Variants in PIEZO2 observed in about 807,000 individuals in gnomAD.
The protein encoded by PIEZO2 is piezo type mechanosensitive ion channel component 2.
PIEZO2 carries 172 observed loss-of-function variants against 337.3 expected under a neutral mutation model. The observed-to-expected ratio is 0.51, with a 90% confidence interval of 0.45 to 0.58. The LOEUF (loss-of-function observed/expected upper bound fraction) is 0.58. Among genes scored for constraint, PIEZO2 ranks in the 20% least tolerant of loss-of-function variants. The pLI is 0.00. For synonymous variants in PIEZO2, 1,251 were observed against 1,228.5 expected (o/e 1.02, Z -0.38); for missense variants, 3,028 against 3,391.3 (o/e 0.89, Z 2.66).
At chr18:10,959,022 A>G (rs1170383077) in intron 3 of PIEZO2, among the ~76,000 whole-genome samples, 2 of 152,200 alleles carry the variant, frequency 1.3e-5, no homozygotes, top group Non-Finnish European at 2.9e-5. Context: ...TGACTGTTAC[A>G]ATGTCTACCT....
chr18:10,723,128 C>T (rs1191415844), intron 36 of PIEZO2, among the ~76,000 whole-genome samples: 2 of 151,952 alleles, frequency 1.3e-5, no homozygotes, highest in African/African-American at 4.8e-5. Flanking sequence ...CCACCACACC[C>T]AGTTAATTTT....
At position 11,102,564 on chromosome 18, in the gene PIEZO2, G is replaced by A. The variant is rs1391116397; in HGVS notation, c.65-36342C>T. Among the ~76,000 whole-genome samples, 1 of 152,206 alleles carries A rather than the reference G, an allele frequency of 6.6e-6. No individual in the cohort carries two copies. Among genetic ancestry groups the A allele is most frequent in the Non-Finnish European group, 1.5e-5 (1 of 68,034 alleles). On this transcript the variant is annotated intron_variant, in intron 1 of 55. Transcript: ENST00000674853. This position sits in a 1 kb window ranked among gnomAD's most constrained non-coding sequence, Gnocchi z 5.7. The stretch of plus-strand genomic sequence containing the variant: ...GGGGAGAGGAAGCATCGGGGGTGAA[G>A]CATCATGCCAGCTTGTTTTGCGTCT...
At chr18:11,121,763 T>C (rs1042292175) in intron 1 of PIEZO2, among the ~76,000 whole-genome samples, 5 of 152,196 alleles carry the variant, frequency 3.3e-5, no homozygotes, top group South Asian at 2.1e-4. Context: ...AAATGATCTC[T>C]ATTACACTAT....
chr18:10,843,125 C>T (rs2144617609), intron 7 of PIEZO2, among the ~76,000 whole-genome samples: 1 of 152,256 alleles, frequency 6.6e-6, no homozygotes, highest in African/African-American at 2.4e-5. Context: ...GCCAAATTGG[C>T]TTATCTACAA....
rs528555248 is a variant in PIEZO2, at chr18:10,676,912, C to A, written c.8081+835G>T. Among the ~76,000 whole-genome samples the A allele has an allele frequency of 1.3e-5, 2 of 152,272 alleles. No individual in the cohort carries two copies. Among genetic ancestry groups the A allele is most frequent in the South Asian group, 4.1e-4 (2 of 4,826 alleles). ...CCTTGGAGGCACCAATAGCCCAGTA[C>A]CCCCGGGGGCAGGGCAGGGAGAATG... On this transcript the variant is annotated intron_variant, in intron 53 of 55. Transcript: ENST00000674853. This position sits in a 1 kb window ranked among gnomAD's most constrained non-coding sequence, Gnocchi z 5.1.
chr18:10,884,528 C>A (rs2042517388), intron 4 of PIEZO2, among the ~76,000 whole-genome samples: 1 of 152,144 alleles, frequency 6.6e-6, no homozygotes, highest in Non-Finnish European at 1.5e-5. Flanking sequence ...TGGCTCACAT[C>A]CTGAAATGGC....
chr18:10,697,530 A>C (rs1477247478), intron 45 of PIEZO2, among the ~76,000 whole-genome samples: 2 of 152,258 alleles, frequency 1.3e-5, no homozygotes, highest in Non-Finnish European at 2.9e-5. Flanking sequence ...TCAAATAGAA[A>C]AAGCATGTGC....
chr18:10,884,285 TC>T (rs2042510112), intron 4 of PIEZO2, among the ~76,000 whole-genome samples: 2 of 152,254 alleles, frequency 1.3e-5, no homozygotes, highest in South Asian at 4.1e-4. Flanking sequence ...TTCCACATTT[TC>T]TTTATTCATC....
intron 7 of PIEZO2, among the ~76,000 whole-genome samples, chr18:10,843,862 T>C (rs1167003200): frequency 6.6e-6 from 1 of 152,228 alleles, no homozygotes; most frequent in Non-Finnish European, 1.5e-5. Context: ...CATGGTGTTA[T>C]GGCTACAGAT....
rs372823540 is a variant in PIEZO2 at position 10,678,821 on chromosome 18, C to T, written c.7953-946G>A. Among the ~76,000 whole-genome samples the T allele has an allele frequency of 5.3e-5, 8 of 151,986 alleles. No individual in the cohort carries two copies. The East Asian group carries it at 7.7e-4, about 15-fold the overall frequency. The stretch of plus-strand genomic sequence containing the variant: ...AGGACTCTCAGGAAGTCTCTCTCTT[C>T]GGAGACAGTCAAGCTGCCCTCGCAT... On this transcript the variant is annotated intron_variant, in intron 52 of 55. Coordinates refer to ENST00000674853, the MANE Select transcript of PIEZO2 (RefSeq NM_001378183.1).
At chr18:10,695,008 A>C (rs1274962593) in intron 47 of PIEZO2, among the ~76,000 whole-genome samples, 3 of 152,212 alleles carry the variant, frequency 2.0e-5, no homozygotes, top group Non-Finnish European at 4.4e-5. Flanking sequence ...TGTACATAAA[A>C]TCAGATATGC....
At chr18:11,058,716 G>A (rs1442367245) in intron 2 of PIEZO2, among the ~76,000 whole-genome samples, 2 of 152,146 alleles carry the variant, frequency 1.3e-5, no homozygotes, top group Non-Finnish European at 2.9e-5. Flanking sequence ...AAAAAGAGAA[G>A]CTTAGAGAAA....
In PIEZO2 at chr18:11,001,113, T is replaced by C. The variant is rs2035516400; in HGVS notation, c.161-21453A>G. Among the ~76,000 whole-genome samples the C allele has an allele frequency of 6.6e-6, 1 of 152,118 alleles. No individual in the cohort carries two copies. The highest frequency in any genetic ancestry group is 2.1e-4 in the South Asian group (1 of 4,826). ...CCTGGAAGAATATGTGTCTTGGTCA[T>C]GGAGGGGATTGTGTGTCATGCCACA... On this transcript the variant is annotated intron_variant, in intron 2 of 55. Coordinates refer to ENST00000674853, the MANE Select transcript of PIEZO2 (RefSeq NM_001378183.1). The surrounding 1 kb of genome is among the most constrained non-coding windows in gnomAD (Gnocchi z 5.3).
chr18:11,023,983 G>A (rs1276420754), intron 2 of PIEZO2, among the ~76,000 whole-genome samples: 1 of 152,174 alleles, frequency 6.6e-6, no homozygotes, highest in Non-Finnish European at 1.5e-5. Flanking sequence ...ACTCCAGCTG[G>A]CCCGCAAGCC....
rs2041400648 is a variant in PIEZO2, at chr18:10,847,412, A to G, written c.917+7941T>C. ...AAAGGAGAGAAATCTGGCCCAGAACACTTAATCCAGGCTGAGAGTCTGGAA... is the reference window on the plus strand; with the variant it reads ...AAAGGAGAGAAATCTGGCCCAGAACGCTTAATCCAGGCTGAGAGTCTGGAA... On this transcript the variant is annotated intron_variant, in intron 7 of 55. Transcript: ENST00000674853. The surrounding 1 kb of genome is among the most constrained non-coding windows in gnomAD (Gnocchi z 5.7). Among the ~76,000 whole-genome samples the G allele has an allele frequency of 1.3e-5, 2 of 152,202 alleles. No homozygotes were observed. The highest frequency in any genetic ancestry group is 6.5e-5 in the Admixed American group (1 of 15,276).
intron 2 of PIEZO2, among the ~76,000 whole-genome samples, chr18:11,060,714 C>T (rs372788505): frequency 1.0e-3 from 157 of 152,182 alleles, no homozygotes; most frequent in Non-Finnish European, 1.9e-3. Context: ...CAGGAAGAAG[C>T]TGAATCTCTG....
intron 3 of PIEZO2, among the ~76,000 whole-genome samples, chr18:10,944,517 G>T (rs1192623034): frequency 3.4e-4 from 17 of 49,830 alleles, no homozygotes; most frequent in Non-Finnish European, 4.6e-4. Context: ...CTTAGTAACA[G>T]ATATATATAT....
At chr18:11,020,126 T>TA (rs1356523315) in intron 2 of PIEZO2, among the ~76,000 whole-genome samples, 2 of 152,140 alleles carry the variant, frequency 1.3e-5, no homozygotes, top group African/African-American at 2.4e-5. Flanking sequence ...GAGCGATTTT[T>TA]AAAAAAATAG....
intron 2 of PIEZO2, among the ~76,000 whole-genome samples, chr18:11,045,473 G>C (rs1018167856): frequency 4.5e-4 from 69 of 152,246 alleles, no homozygotes; most frequent in African/African-American, 1.6e-3. Context: ...ACCCTAGACA[G>C]CACTTCAGCA....
Sources: gnomAD v4.1 joint callset for allele counts (sites outside exome capture counted in the v4.1 genomes callset) on GRCh38, gnomAD v4.1.1 for gene constraint, Gnocchi (gnomAD v3.1) non-coding constraint, MANE v1.5 for transcripts, NCBI Gene and HGNC (gene_info 2026-07-23, HGNC 2026-07-21) for gene names.